The following MTUS2 variants were observed in gnomAD, a reference collection of about 807,000 sequenced individuals.
MTUS2 encodes the protein microtubule-associated tumor suppressor candidate 2.
A neutral mutation model predicts 114.1 loss-of-function variants in MTUS2; 40 were observed. The observed-to-expected ratio is 0.35, with a 90% confidence interval of 0.27 to 0.46. MTUS2 has a LOEUF of 0.46. Among genes scored for constraint, MTUS2 ranks in the 20% least tolerant of loss-of-function variants. The pLI is 1.00. For missense variants in MTUS2, 1,679 were observed against 1,705.4 expected (o/e 0.98, Z 0.27); for synonymous variants, 688 against 672.0 (o/e 1.02, Z -0.37).
intron 5 of MTUS2, among the ~76,000 whole-genome samples, chr13:29,196,131 C>T (rs775339178): frequency 1.3e-4 from 20 of 150,098 alleles, no homozygotes; most frequent in Non-Finnish European, 2.7e-4. Flanking sequence ...GAGTCTCGCT[C>T]TGTCGCCGAG....
At chr13:29,234,591 C>G (rs1029063308) in intron 5 of MTUS2, among the ~76,000 whole-genome samples, 1 of 152,126 alleles carries the variant, frequency 6.6e-6, no homozygotes, top group African/African-American at 2.4e-5. Flanking sequence ...AAATGGCTAA[C>G]CAATTGTACA....
chr13:29,349,959 C>A (rs536206495), intron 7 of MTUS2, among the ~76,000 whole-genome samples: 52 of 152,152 alleles, frequency 3.4e-4, no homozygotes, highest in Middle Eastern at 6.8e-3. Context: ...ATTTTCAGTC[C>A]TAATTCTTCG....
intron 4 of MTUS2, among the ~76,000 whole-genome samples, chr13:29,097,326 A>G (rs1890219423): frequency 6.6e-6 from 1 of 152,090 alleles, no homozygotes; most frequent in South Asian, 2.1e-4. Context: ...TTTAAATGTT[A>G]TTTTACCAGT....
At chr13:29,490,379 GAT>G (rs1881972961) in intron 11 of MTUS2, among the ~76,000 whole-genome samples, 1 of 152,288 alleles carries the variant, frequency 6.6e-6, no homozygotes, top group East Asian at 1.9e-4. Flanking sequence ...CTGAGCATAT[GAT>G]GCAGGCCGAT....
chr13:28,834,255 C>T (rs997237276), intron 1 of MTUS2, among the ~76,000 whole-genome samples: 2 of 152,070 alleles, frequency 1.3e-5, no homozygotes, highest in Admixed American at 6.5e-5. Context: ...TTGAAGGAAG[C>T]ACAAGTTCTA....
chr13:28,915,980 C>G (rs1039804961), intron 2 of MTUS2, among the ~76,000 whole-genome samples: 7 of 151,664 alleles, frequency 4.6e-5, no homozygotes, highest in Non-Finnish European at 7.4e-5. Context: ...TTGTATATGA[C>G]AGAAGATAGG....
At chr13:29,348,190 G>A (rs966263275) in intron 7 of MTUS2, among the ~76,000 whole-genome samples, 6 of 152,124 alleles carry the variant, frequency 3.9e-5, no homozygotes, top group Non-Finnish European at 8.8e-5. Context: ...TTGGTGACCA[G>A]CCCCTATCCT....
chr13:29,340,772 A>G (rs1477692506), intron 7 of MTUS2, among the ~76,000 whole-genome samples: 1 of 152,204 alleles, frequency 6.6e-6, no homozygotes, highest in Non-Finnish European at 1.5e-5. Context: ...CGTTGCATGC[A>G]ATGTGTAGTC....
rs148382373 is a variant in MTUS2 at position 28,887,842 on chromosome 13, C to T, written c.-243+47992C>T. 5.1e-3 allele frequency among the ~76,000 whole-genome samples: 782 copies of T among 152,304 alleles called. 10 individuals are homozygous for T. Among genetic ancestry groups the T allele is most frequent in the Middle Eastern group, 0.034 (10 of 294 alleles). On this transcript the variant is annotated intron_variant, in intron 2 of 15. Transcript: ENST00000612955. ...TCTGGGCAGTTAGTTTCTCTTCTTACCTCCTTCATGACATCTAGACTGCCT... is the reference window on the plus strand; with the variant it reads ...TCTGGGCAGTTAGTTTCTCTTCTTATCTCCTTCATGACATCTAGACTGCCT...
chr13:28,892,903 A>T (rs1326833814), intron 2 of MTUS2, among the ~76,000 whole-genome samples: 1 of 152,220 alleles, frequency 6.6e-6, no homozygotes, highest in East Asian at 1.9e-4. Flanking sequence ...TCCAATGCAG[A>T]GAAGACCAAA....
intron 8 of MTUS2, among the ~76,000 whole-genome samples, chr13:29,360,311 T>C (rs1483386165): frequency 6.6e-6 from 1 of 152,182 alleles, no homozygotes; most frequent in Non-Finnish European, 1.5e-5. Context: ...TAACGAAATA[T>C]CTGGTCAATT....
intron 8 of MTUS2, among the ~76,000 whole-genome samples, chr13:29,379,716 GGA>G (rs912439579): frequency 4.6e-5 from 7 of 152,266 alleles, no homozygotes; most frequent in African/African-American, 1.7e-4. Context: ...AAAAAACCCA[GGA>G]GAGAGCTTTC....
chr13:28,918,928 TAAAC>T (rs1006451576), intron 2 of MTUS2, among the ~76,000 whole-genome samples: 1 of 152,100 alleles, frequency 6.6e-6, no homozygotes, highest in Non-Finnish European at 1.5e-5. Flanking sequence ...ACTGATTGCA[TAAAC>T]AAACAAGCAA....
At chr13:29,300,455 A>G (rs540544979) in intron 6 of MTUS2, among the ~76,000 whole-genome samples, 2 of 152,252 alleles carry the variant, frequency 1.3e-5, no homozygotes, top group Non-Finnish European at 2.9e-5. Context: ...TGAGTTTTCC[A>G]TTGTGATTTT....
chr13:29,421,408 A>T (rs1242061488), intron 8 of MTUS2, among the ~76,000 whole-genome samples: 1 of 152,178 alleles, frequency 6.6e-6, no homozygotes, highest in African/African-American at 2.4e-5. Context: ...ATCATTTTTC[A>T]TGGTTTTCTC....
intron 9 of MTUS2, among the ~76,000 whole-genome samples, chr13:29,447,416 T>C (rs1272684196): frequency 6.6e-6 from 1 of 152,102 alleles, no homozygotes; most frequent in Non-Finnish European, 1.5e-5. Context: ...TTAAGGCAAA[T>C]AGAGCTATTT....
intron 2 of MTUS2, among the ~76,000 whole-genome samples, chr13:28,906,466 G>A (rs546369761): frequency 0.011 from 1,610 of 151,214 alleles, 57 homozygotes; most frequent in African/African-American, 0.038. Context: ...CTTTGTTCTC[G>A]TTAGTTTCAA....
At position 29,505,290 on chromosome 13, in the gene MTUS2, G is replaced by A. The variant is rs1479174245; in HGVS notation, c.*2084G>A. 3.9e-5 allele frequency: 9 copies of A among 231,186 alleles called. No individual in the cohort carries two copies. The highest frequency in any genetic ancestry group is 6.1e-5 in the East Asian group (1 of 16,286). 14.3% of individuals were successfully genotyped at this position (231,186 alleles called of 1,614,324 possible). A position where few individuals can be genotyped will look rare whatever the true frequency, so the allele number is the denominator to read the frequency against. On this transcript the variant is annotated 3_prime_UTR_variant, in exon 16 of 16. Coordinates refer to ENST00000612955, the MANE Select transcript of MTUS2 (RefSeq NM_001033602.4). ...CAGTTACACAGCAATACTGACTTCC[G>A]TGTGATGCTAGAACGTGGTACAGTG...
At chr13:28,920,072 G>T (rs1880959952) in intron 2 of MTUS2, among the ~76,000 whole-genome samples, 1 of 152,190 alleles carries the variant, frequency 6.6e-6, no homozygotes, top group Non-Finnish European at 1.5e-5. Flanking sequence ...GGTCCCTGAT[G>T]CCTTATTCAG....
Sources: allele counts gnomAD v4.1 joint callset (sites outside exome capture counted in the v4.1 genomes callset), GRCh38; gene constraint gnomAD v4.1.1; transcripts MANE v1.5; gene names NCBI Gene and HGNC (gene_info 2026-07-23, HGNC 2026-07-21).